PAX2: variants seen among roughly 807,000 people sequenced by gnomAD.
PAX2 encodes paired box protein Pax-2.
A neutral mutation model predicts 41.7 loss-of-function variants in PAX2; 9 were observed. That is an observed-to-expected ratio of 0.22 (90% confidence interval 0.13 to 0.38). PAX2 has a LOEUF of 0.38. PAX2 is among the 10% of genes least tolerant of loss of function. PAX2 has a pLI of 1.00. For missense variants in PAX2, 418 were observed against 531.6 expected (o/e 0.79, Z 2.10); for synonymous variants, 221 against 212.7 (o/e 1.04, Z -0.34).
intron 3 of PAX2, among the ~76,000 whole-genome samples, chr10:100,756,760 G>T (rs1273728957): frequency 6.6e-6 from 1 of 152,146 alleles, no homozygotes; most frequent in Non-Finnish European, 1.5e-5. Flanking sequence ...CATCCGACCT[G>T]CCAGTTCTCT....
intron 7 of PAX2, among the ~76,000 whole-genome samples, chr10:100,815,959 G>C (rs11594123): frequency 0.011 from 1,663 of 152,328 alleles, 19 homozygotes; most frequent in South Asian, 0.046. Flanking sequence ...AGGGTTTGGG[G>C]TGTCTTAGCA....
At chr10:100,789,199 C>G (rs1276526299) in intron 5 of PAX2, among the ~76,000 whole-genome samples, 1 of 152,180 alleles carries the variant, frequency 6.6e-6, no homozygotes, top group Non-Finnish European at 1.5e-5. Flanking sequence ...CTCTGCCTCC[C>G]AGTTCAAGCG....
chr10:100,802,914 C>T lies in PAX2; in HGVS notation c.617-3516C>T, dbSNP rs114426524. 8.8e-3 allele frequency among the ~76,000 whole-genome samples: 1,336 copies of T among 152,236 alleles called. 21 individuals carry two copies. Among genetic ancestry groups the T allele is most frequent in the African/African-American group, 0.03 (1,234 of 41,522 alleles). ...GTTTCAGCCCAGCTCTGCCAGACAG[C>T]CCTTCAACAGCTGGGCCTAACAGTG... On this transcript the variant is annotated intron_variant, in intron 5 of 9. Transcript: ENST00000355243.
chr10:100,786,986 T>G, intron 5 of PAX2: 1 of 1,389,846 alleles, frequency 7.2e-7, no homozygotes, highest in Non-Finnish European at 9.7e-7. Flanking sequence ...GAGGTGGAGG[T>G]TTGCATCTGG....
chr10:100,824,398 AT>A lies in PAX2; in HGVS notation c.920-249del. 6.6e-6 allele frequency among the ~76,000 whole-genome samples: 1 copy of A among 150,592 alleles called. No homozygotes were observed. Among genetic ancestry groups the A allele is most frequent in the South Asian group, 2.1e-4 (1 of 4,758 alleles). On this transcript the variant is annotated intron_variant, in intron 7 of 9. Transcript: ENST00000355243. The surrounding 1 kb of genome is among the most constrained non-coding windows in gnomAD (Gnocchi z 6.6). Reference sequence around the variant, plus strand: ...CACACACACACACACACACACACAAATACACAGAGACACAAAGAGCTACACA... The same window carrying A: ...CACACACACACACACACACACACAAAACACAGAGACACAAAGAGCTACACA...
In PAX2 at chr10:100,748,063, C is replaced by T. The variant is rs1845268383; in HGVS notation, c.44-1683C>T. 1.0e-6 allele frequency: 1 copy of T among 984,986 alleles called. No individual in the cohort carries two copies. The highest frequency in any genetic ancestry group is 1.2e-6 in the Non-Finnish European group (1 of 829,888). 61.0% of individuals were successfully genotyped at this position (984,986 alleles called of 1,614,324 possible). Reference sequence around the variant, plus strand: ...CCCGAGTCGGTGCTGGCGGCCGTGGCGCATTCCAGGCCCGACTCAGCGCCG... The same window carrying T: ...CCCGAGTCGGTGCTGGCGGCCGTGGTGCATTCCAGGCCCGACTCAGCGCCG... On this transcript the variant is annotated intron_variant, in intron 1 of 9. Coordinates refer to ENST00000355243, the MANE Select transcript of PAX2 (RefSeq NM_000278.5). This position sits in a 1 kb window ranked among gnomAD's most constrained non-coding sequence, Gnocchi z 5.0.
intron 7 of PAX2, among the ~76,000 whole-genome samples, chr10:100,815,078 G>T (rs1468395863): frequency 1.3e-5 from 2 of 152,172 alleles, no homozygotes; most frequent in Non-Finnish European, 2.9e-5. Flanking sequence ...AGCAGATAGA[G>T]GTGTGGACCC....
chr10:100,754,414 T>C (rs1845558225), intron 3 of PAX2, among the ~76,000 whole-genome samples: 1 of 152,226 alleles, frequency 6.6e-6, no homozygotes, highest in Non-Finnish European at 1.5e-5. Context: ...CAGGGCACTC[T>C]CTGCCCCTAG....
At chr10:100,822,842 A>C (rs536407945) in intron 7 of PAX2, among the ~76,000 whole-genome samples, 1 of 152,226 alleles carries the variant, frequency 6.6e-6, no homozygotes, top group Non-Finnish European at 1.5e-5. Context: ...GGATGGAGAG[A>C]GTACCTTAGC....
At position 100,745,725 on chromosome 10, in the gene PAX2, G is replaced by T. The variant is rs984994690; in HGVS notation, c.-536G>T. 4 of 1,000,446 alleles carry T rather than the reference G, an allele frequency of 4.0e-6. No individual in the cohort carries two copies. Among genetic ancestry groups the T allele is most frequent in the East Asian group, 7.0e-5 (1 of 14,300 alleles). The allele number at this position is 1,000,446 out of a possible 1,614,324, so 62.0% of individuals were successfully genotyped here. On this transcript the variant is annotated 5_prime_UTR_variant, in exon 1 of 10. Transcript: ENST00000355243. ...TTTTCCGGGGGCGGGGGCCTGGCCC[G>T]CGCGCTCCCCTCCCGCAGGCGCCAC... is the stretch of plus-strand genomic sequence containing the variant.
chr10:100,768,737 A>C (rs559221263), intron 3 of PAX2, among the ~76,000 whole-genome samples: 1 of 152,340 alleles, frequency 6.6e-6, no homozygotes, highest in East Asian at 1.9e-4. Context: ...CCTGGATCCA[A>C]TGTCGGGCTC....
At chr10:100,749,259 TAAAC>T (rs1845338494) in intron 1 of PAX2, 1 of 994,232 alleles carries the variant, frequency 1.0e-6, no homozygotes, top group South Asian at 4.7e-5. Context: ...GGAGCTCGGA[TAAAC>T]AGTCAGCCGA....
At chr10:100,792,794 GC>G (rs1386721514) in intron 5 of PAX2, among the ~76,000 whole-genome samples, 2 of 151,458 alleles carry the variant, frequency 1.3e-5, no homozygotes, top group Non-Finnish European at 2.9e-5. Context: ...TGCATGTCAG[GC>G]AAAGCCTTGC....
rs931551322 is a variant in PAX2 at position 100,829,608 on chromosome 10, C to T, written c.*1989C>T. ...CAAATCCGAAAAGGCTTGGAGTCCT[C>T]GCCCAGATCTCTCTCCCCTGCGAGC... On this transcript the variant is annotated 3_prime_UTR_variant, in exon 10 of 10. Coordinates refer to ENST00000355243, the MANE Select transcript of PAX2 (RefSeq NM_000278.5). 9.7e-6 allele frequency: 2 copies of T among 206,302 alleles called. No homozygotes were observed. Among genetic ancestry groups the T allele is most frequent in the African/African-American group, 2.3e-5 (1 of 43,742 alleles). 12.8% of individuals were successfully genotyped at this position (206,302 alleles called of 1,614,324 possible). A position where few individuals can be genotyped will look rare whatever the true frequency, so the allele number is the denominator to read the frequency against.
At chr10:100,760,875 A>C (rs574337879) in intron 3 of PAX2, among the ~76,000 whole-genome samples, 12 of 152,076 alleles carry the variant, frequency 7.9e-5, no homozygotes, top group Non-Finnish European at 1.6e-4. Context: ...TGGAGGTTTC[A>C]TGTTCCTCAC....
At chr10:100,773,451 G>T (rs11190695) in intron 3 of PAX2, among the ~76,000 whole-genome samples, 45,381 of 151,830 alleles carry the variant, frequency 0.3, 8,709 homozygotes, top group African/African-American at 0.54. Flanking sequence ...TGCACACCAT[G>T]TATTATCATA....
At chr10:100,772,774 G>A (rs1846260245) in intron 3 of PAX2, among the ~76,000 whole-genome samples, 1 of 152,238 alleles carries the variant, frequency 6.6e-6, no homozygotes, top group Non-Finnish European at 1.5e-5. Flanking sequence ...CTCAAGCCTG[G>A]TCATGTCACT....
Position 100,824,353 on chromosome 10 carries a change from T to TACACACACACACAC in PAX2, c.920-265_920-252dup, listed in dbSNP as rs61572589. Among the ~76,000 whole-genome samples, 98 of 135,566 alleles carry TACACACACACACAC rather than the reference T, an allele frequency of 7.2e-4. 1 individual carries two copies. Among genetic ancestry groups the TACACACACACACAC allele is most frequent in the Non-Finnish European group, 1.2e-3 (78 of 63,044 alleles). 88.9% of individuals were successfully genotyped at this position (135,566 alleles called of 152,430 possible). ...GCACAGAGACACAGGCAAAGGCAGATACACACACACACACACACACACACA... is the reference window on the plus strand; with the variant it reads ...GCACAGAGACACAGGCAAAGGCAGATACACACACACACACACACACACACACACACACACACACA... On this transcript the variant is annotated intron_variant, in intron 7 of 9. Coordinates refer to ENST00000355243, the MANE Select transcript of PAX2 (RefSeq NM_000278.5). The surrounding 1 kb of genome is among the most constrained non-coding windows in gnomAD (Gnocchi z 6.6).
At chr10:100,794,723 C>T (rs1564731055) in intron 5 of PAX2, among the ~76,000 whole-genome samples, 3 of 152,204 alleles carry the variant, frequency 2.0e-5, no homozygotes, top group Admixed American at 1.3e-4. Flanking sequence ...ATAATATAGC[C>T]TAAGATTACA....
Sources: gnomAD v4.1 joint callset for allele counts (sites outside exome capture counted in the v4.1 genomes callset) on GRCh38, gnomAD v4.1.1 for gene constraint, Gnocchi (gnomAD v3.1) non-coding constraint, MANE v1.5 for transcripts, NCBI Gene and HGNC (gene_info 2026-07-23, HGNC 2026-07-21) for gene names.